MAP4: variants seen among roughly 807,000 people sequenced by gnomAD.
The protein encoded by MAP4 is microtubule associated protein 4.
Under a neutral mutation model 170.2 loss-of-function variants are expected in MAP4, and 76 were observed. That is an observed-to-expected ratio of 0.45 (90% CI 0.37 to 0.54). MAP4 has a LOEUF of 0.54. MAP4 is among the 20% of genes least tolerant of loss of function. MAP4 has a pLI of 0.00. For missense variants in MAP4, 2,506 were observed against 2,748.0 expected (o/e 0.91, Z 1.97); for synonymous variants, 909 against 994.5 (o/e 0.91, Z 1.62).
chr3:47,916,122 T>C lies in MAP4; in HGVS notation c.1705A>G (p.Asn569Asp). ...GGAACATCTTTGGCTGGAGTCACAT[T>C]GTTGGCCAGGGTCAGAACCCCATCC... ...AKDGVLTLAN[N>D]VTPAKDVPPL... The change falls in exon 7 of 21, where the codon AAT (asparagine) becomes GAT (aspartate). Residue 569 changes from asparagine to aspartate, a missense_variant. By Grantham distance (23) the Asn-to-Asp change is conservative. Transcript: ENST00000683076. 6.2e-7 allele frequency: 1 copy of C among 1,614,098 alleles called. No individual in the cohort carries two copies. The highest frequency in any genetic ancestry group is 2.2e-5 in the East Asian group (1 of 44,900).
intron 1 of MAP4, among the ~76,000 whole-genome samples, chr3:48,037,942 G>A (rs1213866891): frequency 1.3e-5 from 2 of 151,976 alleles, no homozygotes; most frequent in African/African-American, 4.8e-5. Context: ...CAAGGTGGGT[G>A]GATCACCTGA....
intron 1 of MAP4, among the ~76,000 whole-genome samples, chr3:48,082,857 C>T (rs1190573464): frequency 6.6e-6 from 1 of 151,496 alleles, no homozygotes; most frequent in African/African-American, 2.4e-5. Context: ...TCAGGTATTC[C>T]CAGATATGAT....
chr3:47,990,333 C>T lies in MAP4; in HGVS notation c.223+8305G>A, dbSNP rs544528553. On this transcript the variant is annotated intron_variant, in intron 2 of 20. Transcript: ENST00000683076. The stretch of plus-strand genomic sequence containing the variant: ...CAGACTGCTGGTGTGTGGCAGGGTA[C>T]GGTGTCTCCCACCTGTAATCCCAGC... Among the ~76,000 whole-genome samples, 12 of 152,188 alleles carry T rather than the reference C, an allele frequency of 7.9e-5. No homozygotes were observed. In the South Asian group the frequency reaches 1.9e-3, roughly 24 times the overall value.
intron 18 of MAP4, among the ~76,000 whole-genome samples, chr3:47,856,150 G>A (rs1048578420): frequency 1.1e-4 from 16 of 152,140 alleles, no homozygotes; most frequent in African/African-American, 3.4e-4. Context: ...AGCCCCTCCC[G>A]CGCCCAGCAG....
In MAP4 at chr3:47,975,210, C is replaced by A; in HGVS notation, c.292+2655G>T. 1.6e-6 allele frequency: 2 copies of A among 1,242,404 alleles called. 1 individual carries two copies. Among genetic ancestry groups the A allele is most frequent in the South Asian group, 7.3e-5 (2 of 27,362 alleles). The allele number at this position is 1,242,404 out of a possible 1,614,324, so 77.0% of individuals were successfully genotyped here. Reference sequence around the variant, plus strand: ...AAAATTACTAAAATTAAAAAGAATTCATTTTGCACTTTGTGTTCACAAAGG... The same window carrying A: ...AAAATTACTAAAATTAAAAAGAATTAATTTTGCACTTTGTGTTCACAAAGG... On this transcript the variant is annotated intron_variant, in intron 3 of 20. Coordinates refer to ENST00000683076, the MANE Select transcript of MAP4 (RefSeq NM_001385682.1).
chr3:48,079,462 T>TG (rs1179365214), intron 1 of MAP4, among the ~76,000 whole-genome samples: 1 of 149,840 alleles, frequency 6.7e-6, no homozygotes, highest in Non-Finnish European at 1.5e-5. Flanking sequence ...AAGACCAGCC[T>TG]GGTCAATATG....
intron 2 of MAP4, among the ~76,000 whole-genome samples, chr3:47,980,903 A>AT (rs1314688711): frequency 1.3e-5 from 2 of 152,258 alleles, no homozygotes; most frequent in African/African-American, 4.8e-5. Context: ...AGCGAGTGGT[A>AT]TAAGAGCAGC....
chr3:48,080,996 C>T (rs2100146378), intron 1 of MAP4, among the ~76,000 whole-genome samples: 2 of 152,178 alleles, frequency 1.3e-5, no homozygotes, highest in South Asian at 2.1e-4. Context: ...TGGTGGCGGG[C>T]TCCTGTATTC....
At chr3:47,997,954 C>T (rs1304169642) in intron 2 of MAP4, among the ~76,000 whole-genome samples, 1 of 152,178 alleles carries the variant, frequency 6.6e-6, no homozygotes, top group Non-Finnish European at 1.5e-5. Context: ...AAAAATCCGA[C>T]AGAAAATTCC....
intron 3 of MAP4, among the ~76,000 whole-genome samples, chr3:47,929,721 T>C (rs1200736260): frequency 2.0e-5 from 3 of 151,510 alleles, no homozygotes; most frequent in African/African-American, 7.3e-5. Context: ...AAAAAATCTT[T>C]GTGACTTTGG....
intron 1 of MAP4, among the ~76,000 whole-genome samples, chr3:48,084,167 G>A (rs1164532787): frequency 1.3e-5 from 2 of 148,608 alleles, no homozygotes; most frequent in African/African-American, 2.5e-5. Flanking sequence ...CTGAGATCGC[G>A]CCACTGTACT....
intron 1 of MAP4, among the ~76,000 whole-genome samples, chr3:48,026,818 T>C (rs4296617): frequency 0.74 from 112,720 of 152,168 alleles, 42,253 homozygotes; most frequent in African/African-American, 0.87. Context: ...AAACTAAAAA[T>C]AATGAAATAA....
At chr3:47,900,549 A>C (rs1330158624) in intron 10 of MAP4, among the ~76,000 whole-genome samples, 1 of 152,096 alleles carries the variant, frequency 6.6e-6, no homozygotes, top group African/African-American at 2.4e-5. Flanking sequence ...TAGCCTGGCC[A>C]ACATGGTGAA....
In MAP4 at chr3:47,916,402, G is replaced by C; in HGVS notation, c.1425C>G (p.Val475=). Reference sequence around the variant, plus strand: ...TTTCTGGGAGTTGAGCCATGTCCTTGACTGGGGCCACCTCTGCTTCTAAAG... The same window carrying C: ...TTTCTGGGAGTTGAGCCATGTCCTTCACTGGGGCCACCTCTGCTTCTAAAG... ...ALPLEAEVAP[V]KDMAQLPETE... The change falls in exon 7 of 21, where the codon GTC becomes GTG. Residue 475 remains valine, a synonymous_variant. Transcript: ENST00000683076. 6.2e-7 allele frequency: 1 copy of C among 1,614,154 alleles called. No individual in the cohort carries two copies. The highest frequency in any genetic ancestry group is 8.5e-7 in the Non-Finnish European group (1 of 1,180,032).
At chr3:47,945,124 G>A (rs929336986) in intron 3 of MAP4, among the ~76,000 whole-genome samples, 2 of 151,588 alleles carry the variant, frequency 1.3e-5, no homozygotes, top group East Asian at 1.9e-4. Flanking sequence ...AGGCTGAGGC[G>A]GGTGAATCAC....
chr3:48,056,891 A>G (rs1211456943), intron 1 of MAP4, among the ~76,000 whole-genome samples: 20 of 104,586 alleles, frequency 1.9e-4, no homozygotes, highest in Non-Finnish European at 3.2e-4. Context: ...CCGGGAGGTG[A>G]GGGGCGCCTC....
chr3:47,854,303 T>C (rs2050353179), intron 19 of MAP4, among the ~76,000 whole-genome samples: 1 of 152,002 alleles, frequency 6.6e-6, no homozygotes, highest in Non-Finnish European at 1.5e-5. Flanking sequence ...TCACGAGGTA[T>C]GGGGGGCACG....
At chr3:48,002,991 A>AAATAAATAAATTAATTAATT (rs1393173347) in intron 1 of MAP4, among the ~76,000 whole-genome samples, 1 of 150,654 alleles carries the variant, frequency 6.6e-6, no homozygotes, top group African/African-American at 2.5e-5. Flanking sequence ...ATAAATAAAT[A>AAATAAATAAATTAATTAATT]AATTTAATTC....
intron 2 of MAP4, among the ~76,000 whole-genome samples, chr3:47,984,058 A>G (rs2100087071): frequency 1.3e-5 from 2 of 152,084 alleles, no homozygotes; most frequent in Admixed American, 6.5e-5. Flanking sequence ...AATAATATGC[A>G]TAATGGAAGT....
Sources: gnomAD v4.1 joint callset for allele counts (sites outside exome capture counted in the v4.1 genomes callset) on GRCh38, gnomAD v4.1.1 for gene constraint, MANE v1.5 for transcripts, NCBI Gene and HGNC (gene_info 2026-07-23, HGNC 2026-07-21) for gene names.